The following NTRK2 variants were observed in gnomAD, a reference collection of about 807,000 sequenced individuals.
NTRK2 encodes BDNF/NT-3 growth factors receptor.
Under a neutral mutation model 94.5 loss-of-function variants are expected in NTRK2, and 13 were observed. That is an observed-to-expected ratio of 0.14 (90% CI 0.09 to 0.22). NTRK2 has a LOEUF of 0.22. Among genes scored for constraint, NTRK2 ranks in the 10% least tolerant of loss-of-function variants. The pLI is 1.00. For missense variants in NTRK2, 639 were observed against 1,071.2 expected (o/e 0.60, Z 5.63); for synonymous variants, 372 against 407.4 (o/e 0.91, Z 1.05).
rs112020902 is a variant in NTRK2 at position 84,723,983 on chromosome 9, C to T, written c.721-241C>T. 3.1e-3 allele frequency among the ~76,000 whole-genome samples: 472 copies of T among 152,294 alleles called. 2 individuals carry two copies. Among genetic ancestry groups the T allele is most frequent in the African/African-American group, 0.01 (430 of 41,556 alleles). Reference sequence around the variant, plus strand: ...TCCTGAACAAAGCGAGTGACTTTCCCTGTGGTCTTCTCCCTTGGAGGGAAT... The same window carrying T: ...TCCTGAACAAAGCGAGTGACTTTCCTTGTGGTCTTCTCCCTTGGAGGGAAT... On this transcript the variant is annotated intron_variant, in intron 7 of 18. Coordinates refer to ENST00000277120, the MANE Select transcript of NTRK2 (RefSeq NM_006180.6).
intron 12 of NTRK2, chr9:84,814,296 C>G (rs1219808183): frequency 9.4e-7 from 1 of 1,065,322 alleles, no homozygotes; most frequent in East Asian, 5.0e-5. Context: ...GAGGCGACAC[C>G]TCTTCAGGGG....
chr9:84,736,044 C>T (rs1219311837), intron 9 of NTRK2, among the ~76,000 whole-genome samples: 1 of 152,200 alleles, frequency 6.6e-6, no homozygotes, highest in Non-Finnish European at 1.5e-5. Context: ...ATGTGAACAT[C>T]ACGTTGATGC....
At chr9:84,690,961 A>G (rs1430526538) in intron 2 of NTRK2, among the ~76,000 whole-genome samples, 1 of 152,190 alleles carries the variant, frequency 6.6e-6, no homozygotes, top group Admixed American at 6.5e-5. Flanking sequence ...CAGTATTTGA[A>G]TAACTATTTG....
intron 5 of NTRK2, among the ~76,000 whole-genome samples, chr9:84,708,126 G>A (rs973149080): frequency 6.6e-6 from 1 of 152,034 alleles, no homozygotes; most frequent in South Asian, 2.1e-4. Flanking sequence ...AGAAATCTCA[G>A]TAGTGACATA....
chr9:84,864,893 A>G (rs999754516), intron 13 of NTRK2, among the ~76,000 whole-genome samples: 15 of 151,822 alleles, frequency 9.9e-5, no homozygotes, highest in African/African-American at 3.6e-4. Flanking sequence ...GGTGCACGCC[A>G]CCACACCTGG....
intron 12 of NTRK2, chr9:84,814,718 A>G: frequency 3.8e-6 from 4 of 1,064,186 alleles, no homozygotes; most frequent in Non-Finnish European, 4.6e-6. Context: ...TTTTGTCTAG[A>G]CTCCAGATAC....
intron 12 of NTRK2, among the ~76,000 whole-genome samples, chr9:84,781,730 T>G (rs1392521769): frequency 6.6e-6 from 1 of 152,174 alleles, no homozygotes; most frequent in East Asian, 1.9e-4. Context: ...ATAATTGACA[T>G]AGCTTAGAGA....
chr9:84,957,499 A>G (rs1824288183), intron 17 of NTRK2, among the ~76,000 whole-genome samples: 1 of 152,242 alleles, frequency 6.6e-6, no homozygotes, highest in Non-Finnish European at 1.5e-5. Flanking sequence ...TAAGCACATG[A>G]AAAGATGGGT....
chr9:84,715,611 G>T (rs1193151649), intron 6 of NTRK2, among the ~76,000 whole-genome samples: 1 of 152,068 alleles, frequency 6.6e-6, no homozygotes. Flanking sequence ...ACATTAATTG[G>T]AATAGAGAGG....
At chr9:84,905,430 A>T (rs1280804568) in intron 14 of NTRK2, among the ~76,000 whole-genome samples, 2 of 152,314 alleles carry the variant, frequency 1.3e-5, no homozygotes, top group East Asian at 3.9e-4. Context: ...AGGGAAGGAC[A>T]GTCCCAGGAG....
intron 12 of NTRK2, among the ~76,000 whole-genome samples, chr9:84,827,775 C>T (rs750525379): frequency 2.0e-5 from 3 of 152,182 alleles, no homozygotes; most frequent in Admixed American, 1.3e-4. Flanking sequence ...CTGGATTTAA[C>T]GATTCCTAGG....
chr9:84,745,941 G>A (rs776673068), intron 11 of NTRK2, among the ~76,000 whole-genome samples: 67 of 152,102 alleles, frequency 4.4e-4, no homozygotes, highest in Admixed American at 9.8e-4. Flanking sequence ...GCTCTGGTCC[G>A]AACCCAACAA....
intron 14 of NTRK2, among the ~76,000 whole-genome samples, chr9:84,904,442 C>T (rs1180821954): frequency 6.6e-6 from 1 of 152,194 alleles, no homozygotes; most frequent in Non-Finnish European, 1.5e-5. Flanking sequence ...GATTTCTCTA[C>T]CATCATACAC....
chr9:84,672,833 T>G (rs1323793970), intron 2 of NTRK2, among the ~76,000 whole-genome samples: 1 of 152,266 alleles, frequency 6.6e-6, no homozygotes, highest in Non-Finnish European at 1.5e-5. Flanking sequence ...TTCTTATATC[T>G]GTCCTCACAA....
In NTRK2 at chr9:84,774,179, A is replaced by C. The variant is rs575983060; in HGVS notation, c.1396+22094A>C. Among the ~76,000 whole-genome samples, 6 of 152,286 alleles carry C rather than the reference A, an allele frequency of 3.9e-5. No individual in the cohort carries two copies. In the East Asian group the frequency reaches 1.2e-3, roughly 29 times the overall value. On this transcript the variant is annotated intron_variant, in intron 12 of 18. Coordinates refer to ENST00000277120, the MANE Select transcript of NTRK2 (RefSeq NM_006180.6). ...AACATACCCAGACTGCTGGGCAGTC[A>C]CTGGGAGGGGATATTCAGGCTTCAA...
At chr9:84,898,346 A>C (rs2076821341) in intron 14 of NTRK2, among the ~76,000 whole-genome samples, 1 of 152,192 alleles carries the variant, frequency 6.6e-6, no homozygotes, top group Non-Finnish European at 1.5e-5. Context: ...GGCTGGCTAC[A>C]ATGCACTTAG....
chr9:84,832,652 G>A (rs562752936), intron 12 of NTRK2, among the ~76,000 whole-genome samples: 5 of 152,172 alleles, frequency 3.3e-5, no homozygotes, highest in Non-Finnish European at 5.9e-5. Flanking sequence ...TGTGTATTAC[G>A]CAATCTTTAA....
Position 84,774,491 on chromosome 9 carries a change from T to C in NTRK2, c.1396+22406T>C, listed in dbSNP as rs139760390. Among the ~76,000 whole-genome samples the C allele has an allele frequency of 7.7e-3, 1,180 of 152,338 alleles. 14 individuals carry two copies. The highest frequency in any genetic ancestry group is 0.027 in the African/African-American group (1,109 of 41,576). On this transcript the variant is annotated intron_variant, in intron 12 of 18. Coordinates refer to ENST00000277120, the MANE Select transcript of NTRK2 (RefSeq NM_006180.6). ...AAGAACTGGAGGCTCAGAGAGGTTA[T>C]GTGACTTGCCCAAAGCTGCAAGGCT...
chr9:84,810,741 A>C, intron 12 of NTRK2: 1 of 1,513,540 alleles, frequency 6.6e-7, no homozygotes, highest in Non-Finnish European at 8.8e-7. Context: ...GTACTATATG[A>C]AGCCTGCATA....
Sources: allele counts gnomAD v4.1 joint callset (sites outside exome capture counted in the v4.1 genomes callset), GRCh38; gene constraint gnomAD v4.1.1; transcripts MANE v1.5; gene names NCBI Gene and HGNC (gene_info 2026-07-23, HGNC 2026-07-21).